Variants in VPS16 observed in about 807,000 individuals in gnomAD.
The protein encoded by VPS16 is VPS16 core subunit of CORVET and HOPS complexes.
A neutral mutation model predicts 116.0 loss-of-function variants in VPS16; 82 were observed. That is an observed-to-expected ratio of 0.71 (90% confidence interval 0.59 to 0.85). VPS16 has a LOEUF of 0.85. VPS16 is among the 40% of genes least tolerant of loss of function. VPS16 has a pLI of 0.00. For missense variants in VPS16, 928 were observed against 1,090.6 expected, an observed-to-expected ratio of 0.85 and a Z score of 2.10; for synonymous variants, 406 against 420.7, an observed-to-expected ratio of 0.96 and a Z score of 0.43.
rs1369565479 is a variant in VPS16 at position 2,843,293 on chromosome 20, G to A, written c.53+2466G>A. On this transcript the variant is annotated intron_variant, in intron 1 of 23. Coordinates refer to ENST00000380445, the MANE Select transcript of VPS16 (RefSeq NM_022575.4). ...CTAGAAATACAAAAATTTGCCGGGC[G>A]TGGTGGCACACACCTATAATCCCAG... is the stretch of plus-strand genomic sequence containing the variant. Among the ~76,000 whole-genome samples, 3 of 152,262 alleles carry A rather than the reference G, an allele frequency of 2.0e-5. 1 individual carries two copies. The highest frequency in any genetic ancestry group is 2.1e-4 in the South Asian group (1 of 4,830).
chr20:2,864,006 G>A lies in VPS16; in HGVS notation c.1534G>A (p.Gly512Arg). 1 of 1,614,142 alleles carries A rather than the reference G, an allele frequency of 6.2e-7. No homozygotes were observed. Among genetic ancestry groups the A allele is most frequent in the Non-Finnish European group, 8.5e-7 (1 of 1,180,000 alleles). ...DVARAINQKLGDTPGVSYSDI... is the reference protein window; with the variant it reads ...DVARAINQKLRDTPGVSYSDI... ...GGCTCGAGCCATTAACCAGAAGCTG[G>A]GGGACACGCCTGGTGTCTCTTACTC... The change falls in exon 16 of 24, where the codon GGG becomes AGG. Residue 512 changes from glycine to arginine, a missense_variant. By Grantham distance (125) the Gly-to-Arg change is moderately radical. Transcript: ENST00000380445. This position sits in a 1 kb window ranked among gnomAD's most constrained non-coding sequence, Gnocchi z 5.2.
chr20:2,848,268 A>G (rs2089081846), intron 1 of VPS16, among the ~76,000 whole-genome samples: 1 of 152,090 alleles, frequency 6.6e-6, no homozygotes, highest in African/African-American at 2.4e-5. Flanking sequence ...TTTAGAGACA[A>G]AGTCTCACTC....
chr20:2,864,657 C>T lies in VPS16; in HGVS notation c.1926+3C>T, dbSNP rs1206214221. ...GAGCCAGCTATGCTGCAGAAGAGGTCTGAGATCCATGGGGCGTGTGGGGCG... is the reference window on the plus strand; with the variant it reads ...GAGCCAGCTATGCTGCAGAAGAGGTTTGAGATCCATGGGGCGTGTGGGGCG... On this transcript the variant is annotated splice_donor_region_variant and intron_variant, in intron 19 of 23. Transcript: ENST00000380445. This position sits in a 1 kb window ranked among gnomAD's most constrained non-coding sequence, Gnocchi z 5.2. The T allele has an allele frequency of 6.2e-7, 1 of 1,613,866 alleles. No individual in the cohort carries two copies. The highest frequency in any genetic ancestry group is 8.5e-7 in the Non-Finnish European group (1 of 1,179,978).
At chr20:2,862,737 G>T (rs370131681) in intron 12 of VPS16, 27 bp downstream of exon 12, 1 of 1,611,208 alleles carries the variant, frequency 6.2e-7, no homozygotes, top group Non-Finnish European at 8.5e-7. Context: ...GGGCCGGGGA[G>T]GGTGGGGCTG....
Position 2,862,834 on chromosome 20 carries a change from G to A in VPS16, c.1231G>A (p.Asp411Asn). ...RAASFGKCFL[D>N]RFPPDSFVHM... Reference sequence around the variant, plus strand: ...CGCCTCCTTCGGAAAGTGTTTCCTGGACAGATTTCCACCCGACAGCTTCGT... The same window carrying A: ...CGCCTCCTTCGGAAAGTGTTTCCTGAACAGATTTCCACCCGACAGCTTCGT... Residue 411 changes from aspartate to asparagine, a missense_variant, in exon 13 of 24, where the codon GAC becomes AAC. Physicochemically the swap from Asp to Asn is conservative, Grantham distance 23 (BLOSUM62 1). Transcript: ENST00000380445. 6.2e-7 allele frequency: 1 copy of A among 1,614,090 alleles called. No homozygotes were observed. The highest frequency in any genetic ancestry group is 8.5e-7 in the Non-Finnish European group (1 of 1,180,032).
At chr20:2,855,100 A>G (rs2089160343) in intron 1 of VPS16, among the ~76,000 whole-genome samples, 1 of 150,908 alleles carries the variant, frequency 6.6e-6, no homozygotes, top group Non-Finnish European at 1.5e-5. Flanking sequence ...AGCTGGGACC[A>G]CAGGCGCACT....
Position 2,866,284 on chromosome 20 carries a change from G to C in VPS16, c.2344G>C (p.Glu782Gln). Residue 782 changes from glutamate to glutamine, a missense_variant, in exon 23 of 24, where the codon GAG becomes CAG. Glu to Gln is a conservative substitution (Grantham distance 29, BLOSUM62 2). Coordinates refer to ENST00000380445, the MANE Select transcript of VPS16 (RefSeq NM_022575.4). ...AKKYASRVGP[E>Q]QKVKALLLVG... ...GAAGTATGCTTCCCGCGTGGGTCCC[G>C]AGCAGAAGGTCAAGGCTTTGCTTCT... is the stretch of plus-strand genomic sequence containing the variant. 3 of 1,614,088 alleles carry C rather than the reference G, an allele frequency of 1.9e-6. No individual in the cohort carries two copies. The highest frequency in any genetic ancestry group is 2.5e-6 in the Non-Finnish European group (3 of 1,180,038).
At chr20:2,844,029 G>A (rs1403505239) in intron 1 of VPS16, among the ~76,000 whole-genome samples, 3 of 152,230 alleles carry the variant, frequency 2.0e-5, no homozygotes, top group Non-Finnish European at 4.4e-5. Flanking sequence ...GAGGCACAGA[G>A]AGGCCAGGTT....
At chr20:2,844,977 C>A (rs1463191897) in intron 1 of VPS16, among the ~76,000 whole-genome samples, 1 of 150,016 alleles carries the variant, frequency 6.7e-6, no homozygotes, top group African/African-American at 2.5e-5. Flanking sequence ...AGGATCTTAA[C>A]AAAAGGTTGA....
intron 1 of VPS16, among the ~76,000 whole-genome samples, chr20:2,855,817 A>G (rs1273359762): frequency 6.6e-6 from 1 of 152,204 alleles, no homozygotes; most frequent in African/African-American, 2.4e-5. Context: ...CCTTTATAGA[A>G]TTTAAAGAGT....
rs11473328 is a variant in VPS16, at chr20:2,863,823, GAGAA to G, written c.1477-113_1477-110del. The stretch of plus-strand genomic sequence containing the variant: ...GGGAAAGAGAGAGAAAGAAGAAAGA[GAGAA>G]AGAAAGAAAGAAGAAGGAAGGGAGG... On this transcript the variant is annotated intron_variant, in intron 15 of 23. Coordinates refer to ENST00000380445, the MANE Select transcript of VPS16 (RefSeq NM_022575.4). The surrounding 1 kb of genome is among the most constrained non-coding windows in gnomAD (Gnocchi z 4.4). 5.8e-5 allele frequency: 68 copies of G among 1,178,038 alleles called. 1 individual carries two copies. The Middle Eastern group carries it at 8.6e-4, about 15-fold the overall frequency. 73.0% of individuals were successfully genotyped at this position (1,178,038 alleles called of 1,614,324 possible).
At chr20:2,848,720 A>C (rs2089086770) in intron 1 of VPS16, among the ~76,000 whole-genome samples, 1 of 152,150 alleles carries the variant, frequency 6.6e-6, no homozygotes, top group Non-Finnish European at 1.5e-5. Context: ...GAGGTCCTTG[A>C]TTAGCTGCAG....
rs1368698135 is a variant in VPS16 at position 2,861,851 on chromosome 20, G to GT, written c.947dup (p.Arg317ProfsTer13). On this transcript the variant is annotated frameshift_variant, in exon 10 of 24. Coordinates refer to ENST00000380445, the MANE Select transcript of VPS16 (RefSeq NM_022575.4). LOFTEE classifies it high-confidence loss of function. ...CTACCTGGTGCCTGAGCTCGATGGG[G>GT]TCCGCATCTTCTCCCGCAGCACCCA... is the stretch of plus-strand genomic sequence containing the variant. 6.2e-7 allele frequency: 1 copy of GT among 1,613,970 alleles called. No homozygotes were observed. Among genetic ancestry groups the GT allele is most frequent in the Non-Finnish European group, 8.5e-7 (1 of 1,179,958 alleles).
intron 1 of VPS16, among the ~76,000 whole-genome samples, chr20:2,855,046 C>T (rs1599987738): frequency 6.9e-6 from 1 of 145,682 alleles, no homozygotes; most frequent in South Asian, 2.2e-4. Flanking sequence ...CCGCAACCTC[C>T]GCCTCCTGGG....
At position 2,860,675 on chromosome 20, in the gene VPS16, G is replaced by A; in HGVS notation, c.515-73G>A. ...TGTGAGACCCATAAAAACAGAAGCTGTGGCTAGAGACCCATAGAAACAGAA... is the reference window on the plus strand; with the variant it reads ...TGTGAGACCCATAAAAACAGAAGCTATGGCTAGAGACCCATAGAAACAGAA... On this transcript the variant is annotated intron_variant, in intron 5 of 23. Transcript: ENST00000380445. The surrounding 1 kb of genome is among the most constrained non-coding windows in gnomAD (Gnocchi z 6.1). 1 of 1,610,342 alleles carries A rather than the reference G, an allele frequency of 6.2e-7. No individual in the cohort carries two copies. The highest frequency in any genetic ancestry group is 1.1e-5 in the South Asian group (1 of 91,050).
Position 2,865,840 on chromosome 20 carries a change from G to A in VPS16, c.2271+345G>A. ...TATGGGAGGCAGTGGAGATACTGAG[G>A]GCTGTTTTCTGTGGTGGGTAGTTCA... On this transcript the variant is annotated intron_variant, in intron 22 of 23. Transcript: ENST00000380445. The surrounding 1 kb of genome is among the most constrained non-coding windows in gnomAD (Gnocchi z 5.2). 4.4e-6 allele frequency: 2 copies of A among 458,894 alleles called. No individual in the cohort carries two copies. Among genetic ancestry groups the A allele is most frequent in the Non-Finnish European group, 7.9e-6 (2 of 252,784 alleles). The allele number at this position is 458,894 out of a possible 1,614,324, so 28.4% of individuals were successfully genotyped here.
In VPS16 at chr20:2,866,661, C is replaced by CCT; in HGVS notation, c.*88_*89dup. ...GGGCCATAGTTCATCCAGCTCCTCC[C>CCT]CTAGAGCAATGCTGAGGAGCGGGGG... is the stretch of plus-strand genomic sequence containing the variant. On this transcript the variant is annotated 3_prime_UTR_variant, in exon 24 of 24. Coordinates refer to ENST00000380445, the MANE Select transcript of VPS16 (RefSeq NM_022575.4). The CCT allele has an allele frequency of 1.3e-6, 2 of 1,566,768 alleles. No homozygotes were observed. The highest frequency in any genetic ancestry group is 1.7e-6 in the Non-Finnish European group (2 of 1,154,754).
At chr20:2,851,272 G>C (rs144056078) in intron 1 of VPS16, among the ~76,000 whole-genome samples, 2 of 152,170 alleles carry the variant, frequency 1.3e-5, no homozygotes, top group Non-Finnish European at 2.9e-5. Flanking sequence ...GGTGTGAATG[G>C]GAGTGCTGGT....
chr20:2,861,869 A>C lies in VPS16; in HGVS notation c.964A>C (p.Ser322Arg). ...ELDGVRIFSR[S>R]THEFLHEVPA... ...CGATGGGGTCCGCATCTTCTCCCGC[A>C]GCACCCACGAGTTCCTGCATGAGGT... is the stretch of plus-strand genomic sequence containing the variant. Residue 322 changes from serine (S) to arginine (R), a missense_variant, in exon 10 of 24, where the codon AGC (serine) becomes CGC (arginine). Physicochemically the swap from Ser to Arg is moderately radical, Grantham distance 110. Coordinates refer to ENST00000380445, the MANE Select transcript of VPS16 (RefSeq NM_022575.4). 1 of 1,613,822 alleles carries C rather than the reference A, an allele frequency of 6.2e-7. No individual in the cohort carries two copies. The highest frequency in any genetic ancestry group is 1.1e-5 in the South Asian group (1 of 90,926).
Sources: gnomAD v4.1 joint callset for allele counts (sites outside exome capture counted in the v4.1 genomes callset) on GRCh38, gnomAD v4.1.1 for gene constraint, Gnocchi (gnomAD v3.1) non-coding constraint, MANE v1.5 for transcripts, NCBI Gene and HGNC (gene_info 2026-07-23, HGNC 2026-07-21) for gene names.